The following FRMD4B variants were observed in gnomAD, a reference collection of about 807,000 sequenced individuals.
FRMD4B encodes the protein FERM domain-containing protein 4B.
Under a neutral mutation model 141.5 loss-of-function variants are expected in FRMD4B, and 74 were observed. The observed-to-expected ratio is 0.52, with a 90% CI of 0.43 to 0.63. The LOEUF (loss-of-function observed/expected upper bound fraction) is 0.63. Among genes scored for constraint, FRMD4B ranks in the 30% least tolerant of loss-of-function variants. The pLI, the probability that FRMD4B is intolerant of heterozygous loss-of-function variation, is 0.00. For synonymous variants in FRMD4B, 506 were observed against 467.9 expected (o/e 1.08, Z -1.05); for missense variants, 1,366 against 1,253.4 (o/e 1.09, Z -1.36).
intron 1 of FRMD4B, among the ~76,000 whole-genome samples, chr3:69,506,678 C>CG (rs1706602082): frequency 6.6e-6 from 1 of 151,710 alleles, no homozygotes; most frequent in Non-Finnish European, 1.5e-5. Flanking sequence ...GGACTATAGG[C>CG]GGGGGCCACC....
At chr3:69,320,576 A>C (rs918678980) in intron 1 of FRMD4B, among the ~76,000 whole-genome samples, 3 of 152,088 alleles carry the variant, frequency 2.0e-5, no homozygotes, top group Admixed American at 1.3e-4. Context: ...AAAAGCAAAA[A>C]CCAAAAAACA....
intron 5 of FRMD4B, among the ~76,000 whole-genome samples, chr3:69,269,200 ATT>A (rs1256919444): frequency 1.3e-5 from 2 of 151,888 alleles, no homozygotes; most frequent in African/African-American, 4.9e-5. Context: ...GAGTGTTGGG[ATT>A]ACAGGCGTTA....
At chr3:69,458,849 TAAAAAAAAAAAAAAA>T (rs35229515) in intron 1 of FRMD4B, among the ~76,000 whole-genome samples, 1 of 82,172 alleles carries the variant, frequency 1.2e-5, no homozygotes, top group Non-Finnish European at 2.3e-5. Context: ...ATGGGCTGCT[TAAAAAAAAAAAAAAA>T]AAAAAAAAAG....
At chr3:69,403,797 C>T (rs1462963916) in intron 2 of FRMD4B, among the ~76,000 whole-genome samples, 6 of 152,142 alleles carry the variant, frequency 3.9e-5, no homozygotes, top group South Asian at 2.1e-4. Context: ...TGCATAAGCA[C>T]GCATGCGTAC....
chr3:69,172,996 C>T (rs530405224), intron 22 of FRMD4B, among the ~76,000 whole-genome samples: 24 of 152,234 alleles, frequency 1.6e-4, no homozygotes, highest in African/African-American at 5.5e-4. Context: ...AAGCAAAACT[C>T]CTGCTATGCA....
At chr3:69,451,299 C>T (rs1199025123) in intron 1 of FRMD4B, among the ~76,000 whole-genome samples, 1 of 152,108 alleles carries the variant, frequency 6.6e-6, no homozygotes, top group Non-Finnish European at 1.5e-5. Context: ...TAAACCACTA[C>T]CTACATTTGT....
chr3:69,294,539 C>A (rs1263643988), intron 4 of FRMD4B, among the ~76,000 whole-genome samples: 1 of 152,220 alleles, frequency 6.6e-6, no homozygotes, highest in Non-Finnish European at 1.5e-5. Flanking sequence ...CAGGAATGCT[C>A]TTCCTCATTT....
At position 69,241,277 on chromosome 3, in the gene FRMD4B, T is replaced by C. The variant is rs1055840346; in HGVS notation, c.581+7949A>G. On this transcript the variant is annotated intron_variant, in intron 7 of 22. Transcript: ENST00000398540. ...AAGCCTGACTCCTACTCTGATTCTA[T>C]GGTTCATAGAGTAGAGTGTGTGGTC... Among the ~76,000 whole-genome samples the C allele has an allele frequency of 2.0e-5, 3 of 152,326 alleles. No homozygotes were observed. The East Asian group carries it at 5.8e-4, about 29-fold the overall frequency.
At chr3:69,256,341 A>AGT (rs1328464313) in intron 5 of FRMD4B, among the ~76,000 whole-genome samples, 1 of 152,130 alleles carries the variant, frequency 6.6e-6, no homozygotes. Context: ...TGTTTTTGAG[A>AGT]TGGAGTCTCA....
At chr3:69,267,595 GTATA>G (rs869255944) in intron 5 of FRMD4B, among the ~76,000 whole-genome samples, 1 of 98,208 alleles carries the variant, frequency 1.0e-5, no homozygotes, top group African/African-American at 4.4e-5. Flanking sequence ...GTGTGTGTGT[GTATA>G]TATATATATA....
intron 1 of FRMD4B, among the ~76,000 whole-genome samples, chr3:69,488,211 A>C (rs1310034656): frequency 6.6e-6 from 1 of 152,224 alleles, no homozygotes; most frequent in Non-Finnish European, 1.5e-5. Context: ...AATTGCCTGA[A>C]GGCTCTTTCC....
chr3:69,285,757 T>C (rs1316955755), intron 5 of FRMD4B, among the ~76,000 whole-genome samples: 1 of 151,988 alleles, frequency 6.6e-6, no homozygotes, highest in Non-Finnish European at 1.5e-5. Context: ...GGCAGGCGAA[T>C]TGCTTGAACC....
intron 1 of FRMD4B, among the ~76,000 whole-genome samples, chr3:69,492,967 C>T (rs1348400561): frequency 1.3e-5 from 2 of 152,192 alleles, no homozygotes; most frequent in Non-Finnish European, 2.9e-5. Context: ...CAGCAACCAT[C>T]TCTGTATCTT....
intron 1 of FRMD4B, among the ~76,000 whole-genome samples, chr3:69,515,452 A>C (rs1208019611): frequency 6.6e-6 from 1 of 152,204 alleles, no homozygotes; most frequent in South Asian, 2.1e-4. Flanking sequence ...AAATTTGTCT[A>C]TTCTCCCCAA....
chr3:69,205,228 A>AT (rs780985072), intron 11 of FRMD4B, among the ~76,000 whole-genome samples: 25 of 151,182 alleles, frequency 1.7e-4, no homozygotes, highest in Non-Finnish European at 3.5e-4. Context: ...GTACAGTGGC[A>AT]TGATCACGGC....
At chr3:69,305,676 C>T (rs1320727752) in intron 3 of FRMD4B, among the ~76,000 whole-genome samples, 1 of 152,086 alleles carries the variant, frequency 6.6e-6, no homozygotes, top group Non-Finnish European at 1.5e-5. Context: ...ATCACTGGAG[C>T]CCAGGAGTTC....
At chr3:69,447,117 C>G (rs942347090) in intron 1 of FRMD4B, among the ~76,000 whole-genome samples, 5 of 152,096 alleles carry the variant, frequency 3.3e-5, no homozygotes, top group African/African-American at 1.2e-4. Context: ...AAATGGGTAT[C>G]AAATGAAGGT....
chr3:69,484,758 G>T (rs922799523), intron 1 of FRMD4B, among the ~76,000 whole-genome samples: 4 of 151,966 alleles, frequency 2.6e-5, no homozygotes, highest in Non-Finnish European at 5.9e-5. Flanking sequence ...TCTGCAGCTG[G>T]TCCTCTCATC....
chr3:69,200,691 T>C, intron 11 of FRMD4B: 1 of 1,271,786 alleles, frequency 7.9e-7, no homozygotes, highest in Non-Finnish European at 1.0e-6. Context: ...AAGAGACCTT[T>C]CTAAAATGGA....
Sources: allele counts gnomAD v4.1 joint callset (sites outside exome capture counted in the v4.1 genomes callset), GRCh38; gene constraint gnomAD v4.1.1; transcripts MANE v1.5; gene names NCBI Gene and HGNC (gene_info 2026-07-23, HGNC 2026-07-21).